Variants in ASTN2 observed in about 807,000 individuals in gnomAD.
ASTN2 encodes the protein astrotactin-2.
In ASTN2, 54 loss-of-function variants were observed where a neutral mutation model predicts 139.8. The observed-to-expected ratio is 0.39, with a 90% CI of 0.31 to 0.48. ASTN2 has a LOEUF of 0.48. Ranked by LOEUF, ASTN2 falls within the 20% of genes least tolerant of loss-of-function variation. ASTN2 has a pLI of 0.95. For missense variants in ASTN2, 1,565 were observed against 1,725.1 expected, an observed-to-expected ratio of 0.91 and a Z score of 1.64; for synonymous variants, 756 against 719.5, an observed-to-expected ratio of 1.05 and a Z score of -0.81.
intron 4 of ASTN2, among the ~76,000 whole-genome samples, chr9:117,108,009 T>C (rs1461382701): frequency 6.6e-6 from 1 of 152,186 alleles, no homozygotes; most frequent in Non-Finnish European, 1.5e-5. Flanking sequence ...GGAACAATAG[T>C]GACTGACTGC....
In ASTN2 at chr9:117,295,749, TAAA is replaced by T. The variant is rs79650381; in HGVS notation, c.443-4239_443-4237del. On this transcript the variant is annotated intron_variant, in intron 1 of 22. Transcript: ENST00000313400. ...AGAGTGTTACATTTCATCAGAGAATTAAAAAAAAAAAAGAAGAAGAAGAAGTAA... is the reference window on the plus strand; with the variant it reads ...AGAGTGTTACATTTCATCAGAGAATTAAAAAAAAAGAAGAAGAAGAAGTAA... Among the ~76,000 whole-genome samples the T allele has an allele frequency of 1.3e-4, 19 of 145,080 alleles. No individual in the cohort carries two copies. The South Asian group carries it at 2.2e-3, about 17-fold the overall frequency.
chr9:117,308,885 C>T (rs12006410), intron 1 of ASTN2, among the ~76,000 whole-genome samples: 2,892 of 152,190 alleles, frequency 0.019, 88 homozygotes, highest in African/African-American at 0.067. Context: ...TAGACTAGTG[C>T]GGCTAATGCC....
At chr9:117,252,590 C>T (rs560161503) in intron 2 of ASTN2, among the ~76,000 whole-genome samples, 1 of 152,208 alleles carries the variant, frequency 6.6e-6, no homozygotes, top group South Asian at 2.1e-4. Context: ...ATTAAAAAAA[C>T]AAATCGTTAT....
chr9:117,348,941 C>G (rs2130876810), intron 1 of ASTN2, among the ~76,000 whole-genome samples: 1 of 151,164 alleles, frequency 6.6e-6, no homozygotes, highest in African/African-American at 2.4e-5. Context: ...CTCCCTCTGC[C>G]CCATTAACTT....
intron 19 of ASTN2, chr9:116,584,009 C>T (rs1032896419): frequency 6.6e-6 from 1 of 152,166 alleles, no homozygotes; most frequent in Non-Finnish European, 1.5e-5. Flanking sequence ...CAAATTCAAC[C>T]CACCCAAATC....
intron 16 of ASTN2, among the ~76,000 whole-genome samples, chr9:116,719,843 AG>A (rs1336651834): frequency 1.3e-5 from 2 of 152,156 alleles, no homozygotes; most frequent in Admixed American, 6.5e-5. Flanking sequence ...AAACACAGAA[AG>A]TGCCTCACAC....
intron 5 of ASTN2, among the ~76,000 whole-genome samples, chr9:117,088,091 A>G (rs1199050725): frequency 6.6e-6 from 1 of 152,216 alleles, no homozygotes; most frequent in Non-Finnish European, 1.5e-5. Context: ...TGTGCATAAA[A>G]TGGAAGACTG....
chr9:117,093,744 C>T (rs544284697), intron 5 of ASTN2, among the ~76,000 whole-genome samples: 14 of 152,320 alleles, frequency 9.2e-5, no homozygotes, highest in African/African-American at 3.4e-4. Flanking sequence ...ACCAAATTCA[C>T]TCTCTGTATT....
At chr9:117,408,147 A>ATTT (rs35658539) in intron 1 of ASTN2, among the ~76,000 whole-genome samples, 1 of 142,436 alleles carries the variant, frequency 7.0e-6, no homozygotes, top group African/African-American at 2.5e-5. Context: ...TTCCTTGTAG[A>ATTT]TTTTTTTTTT....
chr9:116,759,432 T>C (rs1588269985), intron 13 of ASTN2, among the ~76,000 whole-genome samples: 1 of 152,328 alleles, frequency 6.6e-6, no homozygotes, highest in East Asian at 1.9e-4. Context: ...GATTTGCCTG[T>C]GGTCATACAG....
intron 12 of ASTN2, among the ~76,000 whole-genome samples, chr9:116,811,969 T>C (rs894749265): frequency 1.3e-5 from 2 of 152,244 alleles, no homozygotes; most frequent in Non-Finnish European, 2.9e-5. Context: ...GAACTTCTTA[T>C]GTTGCATTCA....
chr9:117,148,075 G>C (rs1164209630), intron 3 of ASTN2, among the ~76,000 whole-genome samples: 2 of 152,186 alleles, frequency 1.3e-5, no homozygotes, highest in Non-Finnish European at 2.9e-5. Context: ...GCTCAAGACT[G>C]TCCACCATGG....
At chr9:116,932,825 G>T (rs2132454008) in intron 10 of ASTN2, among the ~76,000 whole-genome samples, 1 of 151,920 alleles carries the variant, frequency 6.6e-6, no homozygotes, top group East Asian at 2.0e-4. Context: ...GGCCAACATG[G>T]CGAAACCCCG....
intron 1 of ASTN2, among the ~76,000 whole-genome samples, chr9:117,358,828 C>T (rs1200212579): frequency 6.6e-6 from 1 of 152,070 alleles, no homozygotes; most frequent in African/African-American, 2.4e-5. Context: ...TTCTGTCGTT[C>T]CTCTCCCCAT....
intron 7 of ASTN2, among the ~76,000 whole-genome samples, chr9:116,990,449 T>C (rs1481045015): frequency 1.3e-5 from 2 of 149,578 alleles, no homozygotes. Context: ...TATTTTTTAG[T>C]AGAAATGAGG....
chr9:116,740,699 A>T (rs1829076676), intron 13 of ASTN2, among the ~76,000 whole-genome samples: 1 of 151,668 alleles, frequency 6.6e-6, no homozygotes, highest in African/African-American at 2.4e-5. Flanking sequence ...TTTTTTTAGT[A>T]GAGATGGGGT....
At chr9:117,353,015 G>T (rs763816321) in intron 1 of ASTN2, among the ~76,000 whole-genome samples, 6 of 152,182 alleles carry the variant, frequency 3.9e-5, no homozygotes, top group Non-Finnish European at 7.3e-5. Context: ...GGAGGTGCAT[G>T]GAATGGGGAG....
At chr9:116,861,055 T>C (rs1385307189) in intron 11 of ASTN2, among the ~76,000 whole-genome samples, 2 of 152,304 alleles carry the variant, frequency 1.3e-5, no homozygotes, top group East Asian at 3.9e-4. Flanking sequence ...GTAGTGGTTT[T>C]AAAATTACAT....
At chr9:116,442,848 T>A (rs1010179642) in intron 20 of ASTN2, among the ~76,000 whole-genome samples, 1 of 152,178 alleles carries the variant, frequency 6.6e-6, no homozygotes, top group Admixed American at 6.5e-5. Context: ...ATTGAACTCA[T>A]GCAGTCTGAG....
Sources: allele counts gnomAD v4.1 joint callset (sites outside exome capture counted in the v4.1 genomes callset), GRCh38; gene constraint gnomAD v4.1.1; transcripts MANE v1.5; gene names NCBI Gene and HGNC (gene_info 2026-07-23, HGNC 2026-07-21).